CLVS1: variants seen among roughly 807,000 people sequenced by gnomAD.
The protein encoded by CLVS1 is clavesin-1.
CLVS1 carries 10 observed loss-of-function variants against 33.1 expected under a neutral mutation model. The ratio of observed to expected loss-of-function variants is 0.30; its 90% CI spans 0.19 to 0.51. CLVS1 has a LOEUF of 0.51. CLVS1 is among the 20% of genes least tolerant of loss of function. CLVS1 has a pLI of 0.97. For missense variants in CLVS1, 343 were observed against 433.4 expected, an observed-to-expected ratio of 0.79 and a Z score of 1.85; for synonymous variants, 163 against 166.1, an observed-to-expected ratio of 0.98 and a Z score of 0.14.
chr8:61,240,593 T>G (rs908253147), intron 2 of CLVS1, among the ~76,000 whole-genome samples: 1 of 152,262 alleles, frequency 6.6e-6, no homozygotes, highest in Admixed American at 6.5e-5. Flanking sequence ...TATTCACAAT[T>G]GTGCTCCCAG....
At chr8:61,086,763 C>T (rs1805133987) in intron 1 of CLVS1, among the ~76,000 whole-genome samples, 1 of 152,126 alleles carries the variant, frequency 6.6e-6, no homozygotes, top group African/African-American at 2.4e-5. Flanking sequence ...GATCCTGTCT[C>T]CTACGGTTAT....
chr8:61,151,076 A>G (rs969989107), intron 2 of CLVS1, among the ~76,000 whole-genome samples: 16 of 152,324 alleles, frequency 1.1e-4, no homozygotes, highest in African/African-American at 3.8e-4. Flanking sequence ...AAGAATTTCA[A>G]TGAATGCATG....
At chr8:61,291,247 C>T (rs924729745) in intron 1 of CLVS1, among the ~76,000 whole-genome samples, 13 of 152,120 alleles carry the variant, frequency 8.5e-5, no homozygotes, top group Non-Finnish European at 1.2e-4. Flanking sequence ...AGAGAAAGTT[C>T]CCTGTGTGGT....
rs1217371361 is a variant in CLVS1 at position 61,501,093 on chromosome 8, TTAAAC to T, written c.*1555_*1559del. 2.6e-5 allele frequency: 4 copies of T among 152,134 alleles called. No individual in the cohort carries two copies. Among genetic ancestry groups the T allele is most frequent in the South Asian group, 2.1e-4 (1 of 4,820 alleles). 9.4% of individuals were successfully genotyped at this position (152,134 alleles called of 1,614,324 possible). Reference sequence around the variant, plus strand: ...TCAAACAACTGTATCACAATATAAATTAAACTAATTCATTTTTGTGTAGACATACG... The same window carrying T: ...TCAAACAACTGTATCACAATATAAATTAATTCATTTTTGTGTAGACATACG... On this transcript the variant is annotated 3_prime_UTR_variant, in exon 6 of 6. Transcript: ENST00000325897.
At chr8:61,157,679 A>G (rs1321812342) in intron 2 of CLVS1, among the ~76,000 whole-genome samples, 2 of 151,966 alleles carry the variant, frequency 1.3e-5, no homozygotes, top group Non-Finnish European at 2.9e-5. Context: ...TATCTAGTAT[A>G]TAAAGAACTC....
chr8:61,219,978 C>G (rs1808175124), intron 2 of CLVS1, among the ~76,000 whole-genome samples: 1 of 151,980 alleles, frequency 6.6e-6, no homozygotes, highest in Non-Finnish European at 1.5e-5. Flanking sequence ...TATCCTTTGC[C>G]CACTTTTTAT....
chr8:60,995,987 G>T, the CLVS1 span, among the ~76,000 whole-genome samples: 2 of 152,114 alleles, frequency 1.3e-5, no homozygotes, highest in Non-Finnish European at 1.5e-5. Context: ...ACAGGAAGGG[G>T]AATATCACAC....
chr8:61,250,531 G>C (rs112247990), intron 2 of CLVS1, among the ~76,000 whole-genome samples: 8,891 of 152,144 alleles, frequency 0.058, 431 homozygotes, highest in African/African-American at 0.13. Context: ...TCATGATATT[G>C]GTTCTTCTCA....
At chr8:61,194,516 C>G (rs1807562979) in intron 2 of CLVS1, among the ~76,000 whole-genome samples, 1 of 151,866 alleles carries the variant, frequency 6.6e-6, no homozygotes, top group African/African-American at 2.4e-5. Flanking sequence ...AGGTTTAATT[C>G]AACATGAGAA....
At chr8:61,473,574 G>C (rs961020730) in intron 5 of CLVS1, among the ~76,000 whole-genome samples, 1 of 152,154 alleles carries the variant, frequency 6.6e-6, no homozygotes, top group Non-Finnish European at 1.5e-5. Context: ...ACAAATTGGA[G>C]GTGGAGAGAG....
intron 2 of CLVS1, among the ~76,000 whole-genome samples, chr8:61,201,974 G>A (rs112494328): frequency 0.01 from 1,588 of 152,264 alleles, 17 homozygotes; most frequent in Non-Finnish European, 0.017. Flanking sequence ...TCCATCGGCT[G>A]GAATGGGATC....
At chr8:61,004,647 G>T in the CLVS1 span, among the ~76,000 whole-genome samples, 1 of 152,200 alleles carries the variant, frequency 6.6e-6, no homozygotes, top group East Asian at 1.9e-4. Context: ...AAGCAACAAA[G>T]CAGCGACACA....
intron 2 of CLVS1, among the ~76,000 whole-genome samples, chr8:61,133,150 C>T (rs1337620658): frequency 6.6e-6 from 1 of 152,110 alleles, no homozygotes; most frequent in Non-Finnish European, 1.5e-5. Flanking sequence ...CACCAGGGGA[C>T]ATTACCCTCA....
chr8:61,455,518 A>T (rs1328060917), intron 4 of CLVS1, among the ~76,000 whole-genome samples: 2 of 152,064 alleles, frequency 1.3e-5, no homozygotes, highest in African/African-American at 4.8e-5. Flanking sequence ...GTTCATCCAC[A>T]TTGTTGAAAA....
At chr8:61,278,423 C>G (rs1809604474) in intron 2 of CLVS1, among the ~76,000 whole-genome samples, 2 of 152,230 alleles carry the variant, frequency 1.3e-5, no homozygotes, top group African/African-American at 4.8e-5. Flanking sequence ...CCATCTTCCT[C>G]TACAATTTTA....
intron 3 of CLVS1, among the ~76,000 whole-genome samples, chr8:61,396,010 A>G (rs1187284449): frequency 1.3e-5 from 2 of 152,204 alleles, no homozygotes; most frequent in Non-Finnish European, 2.9e-5. Context: ...AGGTTCCACC[A>G]TTCACCCACT....
At chr8:61,296,772 C>T (rs750395688) in intron 1 of CLVS1, among the ~76,000 whole-genome samples, 1 of 152,156 alleles carries the variant, frequency 6.6e-6, no homozygotes, top group African/African-American at 2.4e-5. Context: ...TCTACTTCAT[C>T]GCAGGCACTG....
At chr8:61,362,980 C>T (rs1022767000) in intron 2 of CLVS1, among the ~76,000 whole-genome samples, 4 of 152,172 alleles carry the variant, frequency 2.6e-5, no homozygotes, top group African/African-American at 7.2e-5. Context: ...ACTAGGAAAG[C>T]GCTCCTTGTA....
intron 2 of CLVS1, among the ~76,000 whole-genome samples, chr8:61,161,101 A>G (rs1461663225): frequency 6.6e-6 from 1 of 152,222 alleles, no homozygotes; most frequent in Admixed American, 6.5e-5. Context: ...AATTATCAGG[A>G]AAATGCAAAG....
Sources: allele counts gnomAD v4.1 joint callset (sites outside exome capture counted in the v4.1 genomes callset), GRCh38; gene constraint gnomAD v4.1.1; transcripts MANE v1.5; gene names NCBI Gene and HGNC (gene_info 2026-07-23, HGNC 2026-07-21).